Variants in CIMIP1 observed in about 807,000 individuals in gnomAD.
CIMIP1 encodes low in lung cancer 1.
the CIMIP1 span, chr20:58,153,563 G>A: frequency 6.2e-7 from 1 of 1,614,178 alleles, no homozygotes; most frequent in Non-Finnish European, 8.5e-7. Flanking sequence ...TCTGAAGGCT[G>A]AATCGGAAGC....
At chr20:58,160,124 A>G in the CIMIP1 span, among the ~76,000 whole-genome samples, 1 of 152,240 alleles carries the variant, frequency 6.6e-6, no homozygotes, top group South Asian at 2.1e-4. Flanking sequence ...AATCTGTCCA[A>G]GGAGTTGACA....
At chr20:58,155,829 C>T in the CIMIP1 span, among the ~76,000 whole-genome samples, 2 of 152,230 alleles carry the variant, frequency 1.3e-5, 1 homozygote. Context: ...ATGGGGTCTT[C>T]ATGCGTTCTT....
At chr20:58,155,650 G>T in the CIMIP1 span, 69 of 1,161,540 alleles carry the variant, frequency 5.9e-5, no homozygotes, top group African/African-American at 8.1e-4. Context: ...GAAACTGATG[G>T]CTCCAGATGT....
At chr20:58,159,095 G>A in the CIMIP1 span, among the ~76,000 whole-genome samples, 3 of 151,464 alleles carry the variant, frequency 2.0e-5, no homozygotes, top group African/African-American at 7.3e-5. Context: ...CATCATGGGT[G>A]TGTACCTGTG....
At chr20:58,160,328 A>G in the CIMIP1 span, among the ~76,000 whole-genome samples, 2 of 152,218 alleles carry the variant, frequency 1.3e-5, no homozygotes, top group Non-Finnish European at 2.9e-5. Context: ...CAACAGTGCC[A>G]TATATTTTAT....
the CIMIP1 span, chr20:58,153,728 T>A: frequency 1.1e-6 from 1 of 890,478 alleles, no homozygotes; most frequent in Non-Finnish European, 1.8e-6. Context: ...AAAGAGCATG[T>A]TGTAGGCAAA....
chr20:58,153,873 GTGT>G, the CIMIP1 span, among the ~76,000 whole-genome samples: 17 of 152,356 alleles, frequency 1.1e-4, no homozygotes, highest in Non-Finnish European at 2.4e-4. Context: ...GCAGAGACAG[GTGT>G]TGTTTTATGC....
chr20:58,154,573 G>C, the CIMIP1 span, among the ~76,000 whole-genome samples: 1 of 152,158 alleles, frequency 6.6e-6, no homozygotes, highest in African/African-American at 2.4e-5. Flanking sequence ...AAATTATGCT[G>C]TTCTTAATGA....
At chr20:58,160,159 A>T in the CIMIP1 span, among the ~76,000 whole-genome samples, 3,575 of 152,334 alleles carry the variant, frequency 0.023, 161 homozygotes, top group African/African-American at 0.083. Context: ...TTTTCATTCC[A>T]GATAGAAGCC....
At chr20:58,151,383 T>C in the CIMIP1 span, among the ~76,000 whole-genome samples, 1 of 152,082 alleles carries the variant, frequency 6.6e-6, no homozygotes, top group South Asian at 2.1e-4. Context: ...CAGAACGTGT[T>C]CATGTTTTTA....
chr20:58,155,417 A>G, the CIMIP1 span: 1 of 1,450,688 alleles, frequency 6.9e-7, no homozygotes, highest in Non-Finnish European at 9.6e-7. Context: ...GTTTCAGTAC[A>G]TTTCCCCCAG....
chr20:58,152,918 A>G, the CIMIP1 span, among the ~76,000 whole-genome samples: 1 of 152,174 alleles, frequency 6.6e-6, no homozygotes, highest in Non-Finnish European at 1.5e-5. Flanking sequence ...ACTGTGGGGT[A>G]GGGATATGCT....
the CIMIP1 span, among the ~76,000 whole-genome samples, chr20:58,154,244 G>C: frequency 6.6e-6 from 1 of 152,218 alleles, no homozygotes; most frequent in Non-Finnish European, 1.5e-5. Flanking sequence ...GGAGACTCAG[G>C]CAAAGAGGCC....
the CIMIP1 span, among the ~76,000 whole-genome samples, chr20:58,154,674 T>C: frequency 6.6e-6 from 1 of 152,238 alleles, no homozygotes; most frequent in South Asian, 2.1e-4. Context: ...GGAGTCTATA[T>C]TAATATTCTT....
the CIMIP1 span, chr20:58,155,526 G>T: frequency 1.7e-5 from 27 of 1,614,156 alleles, no homozygotes; most frequent in East Asian, 5.8e-4. Context: ...CTTCCTGAGC[G>T]TTTCCGCATC....
At chr20:58,155,717 AC>A in the CIMIP1 span, 1 of 646,804 alleles carries the variant, frequency 1.5e-6, no homozygotes, top group Non-Finnish European at 2.6e-6. Context: ...GTCCAGGTCC[AC>A]GTCCTTCCCA....
chr20:58,153,477 A>T, the CIMIP1 span: 20 of 1,199,726 alleles, frequency 1.7e-5, no homozygotes, highest in Non-Finnish European at 2.5e-5. Context: ...GGAGAATGGA[A>T]ATGTCCCCCA....
At chr20:58,155,600 T>C in the CIMIP1 span, 2 of 1,549,876 alleles carry the variant, frequency 1.3e-6, no homozygotes, top group Non-Finnish European at 1.8e-6. Context: ...CTCATTTTTT[T>C]AAAATACTCA....
chr20:58,160,815 T>C, the CIMIP1 span: 2 of 1,612,008 alleles, frequency 1.2e-6, no homozygotes, highest in African/African-American at 2.7e-5. Flanking sequence ...AAGCAGGGCG[T>C]GCACTGAATC....
Sources: gnomAD v4.1 joint callset for allele counts (sites outside exome capture counted in the v4.1 genomes callset) on GRCh38, gnomAD v4.1.1 for gene constraint, MANE v1.5 for transcripts, NCBI Gene and HGNC (gene_info 2026-07-23, HGNC 2026-07-21) for gene names.